The following TMEM87B variants were observed in gnomAD, a reference collection of about 807,000 sequenced individuals.
TMEM87B encodes transmembrane protein 87B.
A neutral mutation model predicts 80.3 loss-of-function variants in TMEM87B; 83 were observed. The ratio of observed to expected loss-of-function variants is 1.03; its 90% CI spans 0.87 to 1.24. The LOEUF (loss-of-function observed/expected upper bound fraction) is 1.24, where lower values mean the gene tolerates loss of function less well. TMEM87B is among the 50% of genes most tolerant of loss of function. The pLI, the probability that TMEM87B is intolerant of heterozygous loss-of-function variation, is 0.00. For missense variants in TMEM87B, 625 were observed against 674.4 expected (o/e 0.93, Z 0.81); for synonymous variants, 219 against 230.5 (o/e 0.95, Z 0.45).
At chr2:112,063,180 T>G (rs1039853904) in intron 2 of TMEM87B, among the ~76,000 whole-genome samples, 7 of 152,222 alleles carry the variant, frequency 4.6e-5, no homozygotes, top group Non-Finnish European at 8.8e-5. Context: ...TTGGTCTGAG[T>G]GACTGATAGA....
At chr2:112,071,403 G>C (rs560770235) in intron 4 of TMEM87B, among the ~76,000 whole-genome samples, 1 of 149,272 alleles carries the variant, frequency 6.7e-6, no homozygotes, top group South Asian at 2.1e-4. Flanking sequence ...CTAGGTTCAA[G>C]CAATTCTCCT....
chr2:112,116,339 C>T lies in TMEM87B; in HGVS notation c.*196C>T. ...GACTCTTGAGTGTCAGTTGAATATC[C>T]ATTAAATTGGATTTGGAAATAACCT... On this transcript the variant is annotated 3_prime_UTR_variant, in exon 19 of 19. Coordinates refer to ENST00000283206, the MANE Select transcript of TMEM87B (RefSeq NM_032824.3). 2 of 513,864 alleles carry T rather than the reference C, an allele frequency of 3.9e-6. No individual in the cohort carries two copies. The highest frequency in any genetic ancestry group is 6.9e-6 in the Non-Finnish European group (2 of 291,694). 31.8% of individuals were successfully genotyped at this position (513,864 alleles called of 1,614,324 possible).
chr2:112,058,725 G>A (rs1678158650), intron 1 of TMEM87B, among the ~76,000 whole-genome samples: 1 of 152,178 alleles, frequency 6.6e-6, no homozygotes, highest in South Asian at 2.1e-4. Flanking sequence ...CAGATCTGGA[G>A]GTAGAAGTAC....
intron 5 of TMEM87B, 74 bp from the exon 6 acceptor site, chr2:112,077,118 G>A: frequency 3.1e-6 from 2 of 645,418 alleles, no homozygotes; most frequent in South Asian, 6.0e-5. Context: ...TTAAAATATG[G>A]CAAACAGTTG....
In TMEM87B at chr2:112,116,289, G is replaced by C. The variant is rs573146396; in HGVS notation, c.*146G>C. On this transcript the variant is annotated 3_prime_UTR_variant, in exon 19 of 19. Transcript: ENST00000283206. Reference sequence around the variant, plus strand: ...TCAAAATGAAGAATTCAGATGGTAGGAGGTTCTATAGTCCTTTTAAAGCTG... The same window carrying C: ...TCAAAATGAAGAATTCAGATGGTAGCAGGTTCTATAGTCCTTTTAAAGCTG... The C allele has an allele frequency of 2.7e-5, 18 of 665,800 alleles. No individual in the cohort carries two copies. The Admixed American group carries it at 3.7e-4, about 14-fold the overall frequency. 41.2% of individuals were successfully genotyped at this position (665,800 alleles called of 1,614,324 possible).
chr2:112,080,155 C>G (rs915109962), intron 6 of TMEM87B, among the ~76,000 whole-genome samples: 13 of 151,992 alleles, frequency 8.6e-5, no homozygotes, highest in African/African-American at 3.1e-4. Context: ...TCTCGATCCC[C>G]TGACCTTAAG....
intron 15 of TMEM87B, chr2:112,105,768 A>G (rs2104503341): frequency 2.6e-6 from 1 of 378,926 alleles, no homozygotes; most frequent in East Asian, 4.4e-5. Flanking sequence ...TAGGATTCAA[A>G]CAAGAAACTT....
chr2:112,096,042 G>A (rs779344610), intron 11 of TMEM87B, among the ~76,000 whole-genome samples: 10 of 149,444 alleles, frequency 6.7e-5, no homozygotes, highest in Non-Finnish European at 1.2e-4. Flanking sequence ...TTTGTGTTCC[G>A]AGAAAAGACT....
chr2:112,095,107 C>T, intron 11 of TMEM87B: 23 of 889,422 alleles, frequency 2.6e-5, no homozygotes, highest in Non-Finnish European at 3.0e-5. Flanking sequence ...TCCTGTGGCC[C>T]TTCCTCCCCT....
chr2:112,061,300 A>G (rs946982767), intron 2 of TMEM87B, among the ~76,000 whole-genome samples: 6 of 152,202 alleles, frequency 3.9e-5, no homozygotes, highest in Admixed American at 3.9e-4. Flanking sequence ...TTAAAGTCTC[A>G]GGATAAGGAG....
intron 17 of TMEM87B, 90 bp from the exon 18 acceptor site, chr2:112,112,809 G>A (rs1573732682): frequency 4.2e-6 from 5 of 1,192,488 alleles, no homozygotes; most frequent in Non-Finnish European, 6.1e-6. Flanking sequence ...GAGAATTAGT[G>A]GGCCATGGCA....
intron 16 of TMEM87B, among the ~76,000 whole-genome samples, chr2:112,107,489 A>G (rs1490110482): frequency 6.6e-6 from 1 of 151,948 alleles, no homozygotes; most frequent in Admixed American, 6.6e-5. Flanking sequence ...TATCCTTGCT[A>G]TTTTCTATCT....
Position 112,081,050 on chromosome 2 carries a change from A to T in TMEM87B, c.593-7A>T, listed in dbSNP as rs1044127454. On this transcript the variant is annotated splice_region_variant and splice_polypyrimidine_tract_variant and intron_variant, in intron 6 of 18. Transcript: ENST00000283206. The stretch of plus-strand genomic sequence containing the variant: ...GTTAATTAACTCTCTCTTCTTCTCT[A>T]TCCTAGTTTCTCTTTCTATGATTGG... The T allele has an allele frequency of 3.1e-6, 5 of 1,610,170 alleles. No homozygotes were observed. In the Admixed American group the frequency reaches 8.3e-5, roughly 27 times the overall value.
rs1679489134 is a variant in TMEM87B at position 112,097,030 on chromosome 2, T to C, written c.1105-14T>C. ...TTATTATTACTTGGAATGTTTTTCC[T>C]TAACTTTTTTCACATTTTTATTAGT... On this transcript the variant is annotated splice_polypyrimidine_tract_variant and intron_variant, in intron 11 of 18. Transcript: ENST00000283206. The C allele has an allele frequency of 2.6e-6, 4 of 1,535,514 alleles. No homozygotes were observed. Among genetic ancestry groups the C allele is most frequent in the African/African-American group, 1.4e-5 (1 of 71,700 alleles).
chr2:112,082,972 C>A (rs1232432509), intron 8 of TMEM87B, among the ~76,000 whole-genome samples: 1 of 152,144 alleles, frequency 6.6e-6, no homozygotes, highest in Non-Finnish European at 1.5e-5. Context: ...CAGGGTCTTT[C>A]AGGAGTCCCG....
intron 15 of TMEM87B, among the ~76,000 whole-genome samples, chr2:112,101,730 A>G (rs1679637900): frequency 6.6e-6 from 1 of 152,206 alleles, no homozygotes; most frequent in South Asian, 2.1e-4. Flanking sequence ...GGTGGACCTG[A>G]GCAGTTCAAA....
At chr2:112,075,740 T>C (rs1678794076) in intron 5 of TMEM87B, among the ~76,000 whole-genome samples, 3 of 152,182 alleles carry the variant, frequency 2.0e-5, no homozygotes. Flanking sequence ...TGTTTGCTTT[T>C]ATACTATGAC....
intron 4 of TMEM87B, among the ~76,000 whole-genome samples, chr2:112,071,182 T>C (rs1029102373): frequency 6.6e-6 from 1 of 152,100 alleles, no homozygotes; most frequent in Admixed American, 6.5e-5. Context: ...AGCAGTGTTT[T>C]GTAATTCTCA....
chr2:112,107,886 G>A lies in TMEM87B; in HGVS notation c.1577+46G>A, dbSNP rs149036667. 836 of 1,322,814 alleles carry A rather than the reference G, an allele frequency of 6.3e-4. 3 individuals are homozygous for A. The African/African-American group carries it at 0.01, about 17-fold the overall frequency. The allele number at this position is 1,322,814 out of a possible 1,614,324, so 81.9% of individuals were successfully genotyped here. ...GTTTGATTGTAAATTTTAGGCTGTAGTTTAAAAGGGATCGTTCTCATCCTT... is the reference window on the plus strand; with the variant it reads ...GTTTGATTGTAAATTTTAGGCTGTAATTTAAAAGGGATCGTTCTCATCCTT... On this transcript the variant is annotated intron_variant, in intron 17 of 18. Coordinates refer to ENST00000283206, the MANE Select transcript of TMEM87B (RefSeq NM_032824.3).
Sources: allele counts gnomAD v4.1 joint callset (sites outside exome capture counted in the v4.1 genomes callset), GRCh38; gene constraint gnomAD v4.1.1; transcripts MANE v1.5; gene names NCBI Gene and HGNC (gene_info 2026-07-23, HGNC 2026-07-21).